Variants in ZRANB3 observed in about 807,000 individuals in gnomAD.
ZRANB3 encodes the protein DNA annealing helicase and endonuclease ZRANB3.
ZRANB3 carries 125 observed loss-of-function variants against 133.8 expected under a neutral mutation model. That is an observed-to-expected ratio of 0.93 (90% confidence interval 0.81 to 1.08). The LOEUF (loss-of-function observed/expected upper bound fraction) is 1.08. ZRANB3 is among the 50% of genes least tolerant of loss of function. ZRANB3 has a pLI of 0.00. For missense variants in ZRANB3, 1,229 were observed against 1,275.5 expected, an observed-to-expected ratio of 0.96 and a Z score of 0.56; for synonymous variants, 387 against 432.7, an observed-to-expected ratio of 0.89 and a Z score of 1.31.
chr2:135,455,260 C>T (rs963740451), intron 2 of ZRANB3, among the ~76,000 whole-genome samples: 4 of 125,910 alleles, frequency 3.2e-5, no homozygotes, highest in African/African-American at 9.0e-5. Context: ...ACGATTTTGG[C>T]TCACTGTAAC....
rs553162928 is a variant in ZRANB3 at position 135,311,318 on chromosome 2, C to T, written c.966+2171G>A. 2.0e-5 allele frequency among the ~76,000 whole-genome samples: 3 copies of T among 152,164 alleles called. No homozygotes were observed. In the South Asian group the frequency reaches 6.2e-4, roughly 32 times the overall value. On this transcript the variant is annotated intron_variant, in intron 8 of 20. Transcript: ENST00000264159. Reference sequence around the variant, plus strand: ...ATGAAAAAGATGGCAATACCTAGTGCTCACAAAGATATCAAATGGAACTCT... The same window carrying T: ...ATGAAAAAGATGGCAATACCTAGTGTTCACAAAGATATCAAATGGAACTCT...
chr2:135,474,457 G>A (rs1325601170), intron 2 of ZRANB3, among the ~76,000 whole-genome samples: 1 of 152,070 alleles, frequency 6.6e-6, no homozygotes, highest in Non-Finnish European at 1.5e-5. Flanking sequence ...GGGGTGTGGT[G>A]CCCTCCCCAC....
chr2:135,203,358 G>A (rs903896908), intron 19 of ZRANB3, among the ~76,000 whole-genome samples: 2 of 152,104 alleles, frequency 1.3e-5, no homozygotes, highest in African/African-American at 4.8e-5. Context: ...AGTGGCTCAT[G>A]CCTGTAATCC....
intron 1 of ZRANB3, among the ~76,000 whole-genome samples, chr2:135,524,335 G>A (rs1309207526): frequency 5.3e-5 from 8 of 152,046 alleles, no homozygotes; most frequent in Non-Finnish European, 1.2e-4. Context: ...ACCCGCCTCG[G>A]CCTCCCAAAG....
chr2:135,404,376 T>G (rs958787706), intron 2 of ZRANB3, among the ~76,000 whole-genome samples: 1 of 151,902 alleles, frequency 6.6e-6, no homozygotes, highest in African/African-American at 2.4e-5. Context: ...ATGAATGAAA[T>G]GAAGCGAGAA....
chr2:135,335,692 CAAACAAAACAA>C (rs1684337547), intron 6 of ZRANB3, among the ~76,000 whole-genome samples: 7 of 151,698 alleles, frequency 4.6e-5, no homozygotes. Context: ...GACTCTGTCT[CAAACAAAACAA>C]AACAAAACAA....
At chr2:135,247,751 C>A (rs557688468) in intron 12 of ZRANB3, among the ~76,000 whole-genome samples, 1 of 152,168 alleles carries the variant, frequency 6.6e-6, no homozygotes, top group African/African-American at 2.4e-5. Flanking sequence ...CATTGCACCT[C>A]CCTAGGAAAG....
In ZRANB3 at chr2:135,496,810, C is replaced by T. The variant is rs183888096; in HGVS notation, c.161+7519G>A. On this transcript the variant is annotated intron_variant, in intron 2 of 20. Transcript: ENST00000264159. Reference sequence around the variant, plus strand: ...AAATTTCAGACAGTCCTTAAACACTCCTGTTTTTGAAAGTCTTCAGGCTTC... The same window carrying T: ...AAATTTCAGACAGTCCTTAAACACTTCTGTTTTTGAAAGTCTTCAGGCTTC... Among the ~76,000 whole-genome samples the T allele has an allele frequency of 1.7e-3, 256 of 152,316 alleles. 2 individuals are homozygous for T. Among genetic ancestry groups the T allele is most frequent in the African/African-American group, 6.0e-3 (248 of 41,564 alleles).
Position 135,321,474 on chromosome 2 carries a change from A to T in ZRANB3, c.678-5944T>A, listed in dbSNP as rs80319669. On this transcript the variant is annotated intron_variant, in intron 6 of 20. Coordinates refer to ENST00000264159, the MANE Select transcript of ZRANB3 (RefSeq NM_032143.4). ...TGTTTTCTTATTACTGAGTTTTGGG[A>T]TTTTTTTTTTTTTTTTTGAGACAGA... is the stretch of plus-strand genomic sequence containing the variant. 3.1e-3 allele frequency among the ~76,000 whole-genome samples: 422 copies of T among 134,024 alleles called. 3 individuals carry two copies. Among genetic ancestry groups the T allele is most frequent in the African/African-American group, 0.011 (385 of 35,214 alleles). The allele number at this position is 134,024 out of a possible 152,430, so 87.9% of individuals were successfully genotyped here.
intron 2 of ZRANB3, among the ~76,000 whole-genome samples, chr2:135,433,335 C>T (rs573348126): frequency 6.6e-6 from 1 of 151,796 alleles, no homozygotes; most frequent in East Asian, 1.9e-4. Flanking sequence ...TGCGGTGAAC[C>T]GTATTTGCAC....
At chr2:135,416,853 T>C (rs1688598610) in intron 2 of ZRANB3, among the ~76,000 whole-genome samples, 2 of 152,132 alleles carry the variant, frequency 1.3e-5, no homozygotes. Flanking sequence ...AAACAAGCAA[T>C]GGGGAAAGGA....
rs1003339721 is a variant in ZRANB3, at chr2:135,321,127, A to G, written c.678-5597T>C. On this transcript the variant is annotated intron_variant, in intron 6 of 20. Coordinates refer to ENST00000264159, the MANE Select transcript of ZRANB3 (RefSeq NM_032143.4). ...ATAAACAGCTGCATACAGATTTCTG[A>G]GTGAACATATGTTTTCATTTATCTT... is the stretch of plus-strand genomic sequence containing the variant. Among the ~76,000 whole-genome samples, 154 of 152,344 alleles carry G rather than the reference A, an allele frequency of 1.0e-3. 1 individual carries two copies. Among genetic ancestry groups the G allele is most frequent in the African/African-American group, 3.5e-3 (146 of 41,582 alleles).
intron 2 of ZRANB3, among the ~76,000 whole-genome samples, chr2:135,398,848 T>G (rs1186505111): frequency 6.6e-6 from 1 of 152,148 alleles, no homozygotes; most frequent in Non-Finnish European, 1.5e-5. Context: ...TATTGATCAG[T>G]TCTCCTTGGA....
At chr2:135,498,303 G>C (rs899943109) in intron 2 of ZRANB3, among the ~76,000 whole-genome samples, 4 of 152,202 alleles carry the variant, frequency 2.6e-5, no homozygotes, top group African/African-American at 9.6e-5. Context: ...AAATTGTGAA[G>C]ATTTCATGGA....
chr2:135,317,281 G>C (rs1683309051), intron 6 of ZRANB3, among the ~76,000 whole-genome samples: 1 of 151,910 alleles, frequency 6.6e-6, no homozygotes, highest in Non-Finnish European at 1.5e-5. Flanking sequence ...GAAAATACTT[G>C]CCAATACCTG....
chr2:135,212,616 G>C (rs926845262), intron 17 of ZRANB3, among the ~76,000 whole-genome samples: 1 of 152,142 alleles, frequency 6.6e-6, no homozygotes, highest in Non-Finnish European at 1.5e-5. Context: ...GCAAGTTGCC[G>C]ATACTTAATT....
chr2:135,275,588 T>C, intron 9 of ZRANB3, 48 bp downstream of exon 9: 1 of 1,488,126 alleles, frequency 6.7e-7, no homozygotes, highest in Non-Finnish European at 9.0e-7. Flanking sequence ...TTTAGTATAG[T>C]AAAAATATGC....
intron 2 of ZRANB3, among the ~76,000 whole-genome samples, chr2:135,394,830 A>G (rs770361695): frequency 2.9e-4 from 44 of 152,072 alleles, no homozygotes; most frequent in South Asian, 6.2e-4. Context: ...TATGTAAAAG[A>G]TACTAAGCTG....
intron 7 of ZRANB3, among the ~76,000 whole-genome samples, chr2:135,314,213 A>G (rs1206232657): frequency 6.6e-6 from 1 of 152,212 alleles, no homozygotes; most frequent in African/African-American, 2.4e-5. Flanking sequence ...TAAGAAACAT[A>G]AGAAAGCAGA....
Sources: allele counts gnomAD v4.1 joint callset (sites outside exome capture counted in the v4.1 genomes callset), GRCh38; gene constraint gnomAD v4.1.1; transcripts MANE v1.5; gene names NCBI Gene and HGNC (gene_info 2026-07-23, HGNC 2026-07-21).